The following CFAP46 variants were observed in gnomAD, a reference collection of about 807,000 sequenced individuals.
CFAP46 encodes the protein cilia- and flagella-associated protein 46.
CFAP46 carries 245 observed loss-of-function variants against 325.7 expected under a neutral mutation model. The ratio of observed to expected loss-of-function variants is 0.75; its 90% CI spans 0.68 to 0.84. CFAP46 has a LOEUF of 0.84. Ranked by LOEUF, CFAP46 falls within the 40% of genes least tolerant of loss-of-function variation. CFAP46 has a pLI of 0.00. For synonymous variants in CFAP46, 1,523 were observed against 1,495.9 expected (o/e 1.02, Z -0.42); for missense variants, 3,346 against 3,543.0 (o/e 0.94, Z 1.41).
intron 24 of CFAP46, among the ~76,000 whole-genome samples, chr10:132,895,481 A>G (rs1849306170): frequency 6.6e-6 from 1 of 152,230 alleles, no homozygotes; most frequent in African/African-American, 2.4e-5. Flanking sequence ...GAACACGGTG[A>G]GAAGGCAGCC....
chr10:132,866,313 A>T, intron 34 of CFAP46, 142 bp from the exon 35 acceptor site: 1 of 915,258 alleles, frequency 1.1e-6, no homozygotes. Context: ...CCTAGGCACC[A>T]TGGGCGCCTC....
chr10:132,849,595 A>G (rs1848500286), intron 41 of CFAP46, among the ~76,000 whole-genome samples: 1 of 152,104 alleles, frequency 6.6e-6, no homozygotes, highest in Non-Finnish European at 1.5e-5. Flanking sequence ...GTCCTGAGGG[A>G]GCAGGTCACT....
intron 24 of CFAP46, 50 bp downstream of exon 24, chr10:132,898,909 C>G (rs1043861178): frequency 6.5e-7 from 1 of 1,544,482 alleles, no homozygotes; most frequent in African/African-American, 1.4e-5. Flanking sequence ...TCTGGAAGAC[C>G]CACTAGAGGC....
At chr10:132,824,467 G>A (rs1378584569) in intron 50 of CFAP46, among the ~76,000 whole-genome samples, 5 of 122,836 alleles carry the variant, frequency 4.1e-5, no homozygotes, top group South Asian at 3.3e-4. Context: ...GTGCTGATGT[G>A]TGCTGTGTGT....
chr10:132,851,248 C>A lies in CFAP46; in HGVS notation c.5632G>T (p.Val1878Leu). 2 of 1,614,072 alleles carry A rather than the reference C, an allele frequency of 1.2e-6. No homozygotes were observed. Among genetic ancestry groups the A allele is most frequent in the South Asian group, 2.2e-5 (2 of 91,088 alleles). The change falls in exon 40 of 58, where the codon GTG becomes TTG. Residue 1878 changes from valine (V) to leucine (L), a missense_variant. By Grantham distance (32) the Val-to-Leu change is conservative (BLOSUM62 1). Transcript: ENST00000368586. ...TGGAGCATGTCCAGAGCCATTTCCACGAGGCCGAGCTTGAGGCGCGCCAGC... is the reference window on the plus strand; with the variant it reads ...TGGAGCATGTCCAGAGCCATTTCCAAGAGGCCGAGCTTGAGGCGCGCCAGC... ...RKLARLKLGL[V>L]EMALDMLQFI... is the part of the protein sequence containing the mutation.
chr10:132,869,437 A>C lies in CFAP46; in HGVS notation c.4512-65T>G. The C allele has an allele frequency of 1.7e-6, 2 of 1,194,760 alleles. No homozygotes were observed. The highest frequency in any genetic ancestry group is 2.3e-6 in the Non-Finnish European group (2 of 879,330). The allele number at this position is 1,194,760 out of a possible 1,614,324, so 74.0% of individuals were successfully genotyped here. Reference sequence around the variant, plus strand: ...CGCAGAGGGAGCCAGAAACGAAGCTACTAGTGTGCTTCACAGAAAACGGTC... The same window carrying C: ...CGCAGAGGGAGCCAGAAACGAAGCTCCTAGTGTGCTTCACAGAAAACGGTC... On this transcript the variant is annotated intron_variant, in intron 32 of 57. Transcript: ENST00000368586. This position sits in a 1 kb window ranked among gnomAD's most constrained non-coding sequence, Gnocchi z 6.2.
Position 132,822,277 on chromosome 10 carries a change from TGA to T in CFAP46, c.7118-7365_7118-7364del, listed in dbSNP as rs1347177985. ...TGATGTGTGCTGTGTGTGTGCTGTG[TGA>T]GTGCTGGTGTGCTGATGTGTGCACT... On this transcript the variant is annotated intron_variant, in intron 50 of 57. Transcript: ENST00000368586. Among the ~76,000 whole-genome samples the T allele has an allele frequency of 5.8e-3, 462 of 79,208 alleles. 12 individuals carry two copies. The highest frequency in any genetic ancestry group is 0.01 in the Admixed American group (55 of 5,354). 52.0% of individuals were successfully genotyped at this position (79,208 alleles called of 152,430 possible).
At chr10:132,872,413 C>G (rs986589985) in intron 32 of CFAP46, 3 of 422,440 alleles carry the variant, frequency 7.1e-6, no homozygotes, top group African/African-American at 4.1e-5. Flanking sequence ...GTCACCATAC[C>G]TGGCTAATAT....
chr10:132,901,495 G>A (rs1392432879), intron 22 of CFAP46, among the ~76,000 whole-genome samples: 2 of 152,088 alleles, frequency 1.3e-5, no homozygotes, highest in South Asian at 2.1e-4. Context: ...CACCAACCAC[G>A]GCTCTACCTC....
intron 50 of CFAP46, among the ~76,000 whole-genome samples, chr10:132,819,746 T>C (rs967430805): frequency 2.0e-5 from 3 of 152,230 alleles, no homozygotes; most frequent in Non-Finnish European, 2.9e-5. Flanking sequence ...CAACTCAAAA[T>C]GGATTACAGG....
At chr10:132,859,660 C>T (rs553604964) in intron 37 of CFAP46, among the ~76,000 whole-genome samples, 30 of 152,314 alleles carry the variant, frequency 2.0e-4, no homozygotes, top group Non-Finnish European at 3.5e-4. Flanking sequence ...ATGAGGCCGC[C>T]GCCCCGGAGC....
In CFAP46 at chr10:132,898,999, C is replaced by T. The variant is rs907855552; in HGVS notation, c.3179G>A (p.Arg1060Lys). 5 of 1,550,596 alleles carry T rather than the reference C, an allele frequency of 3.2e-6. No individual in the cohort carries two copies. Among genetic ancestry groups the T allele is most frequent in the Non-Finnish European group, 4.4e-6 (5 of 1,146,994 alleles). The change falls in exon 24 of 58, where the codon AGG (arginine) becomes AAG (lysine). Residue 1060 changes from arginine (R) to lysine (K), a missense_variant. Coordinates refer to ENST00000368586, the MANE Select transcript of CFAP46 (RefSeq NM_001200049.3). ...TGTCTTGTTGATGATGCCGATGAGC[C>T]TCTTCAGGGCACCCTTGGCCTTCTT... ...YRKKAKGALK[R>K]LIGIINKTEA...
chr10:132,834,976 C>A (rs117421225), intron 47 of CFAP46, among the ~76,000 whole-genome samples: 4,699 of 152,366 alleles, frequency 0.031, 106 homozygotes, highest in Non-Finnish European at 0.048. Context: ...CCAGCCCCCA[C>A]CCATCTCCTC....
At chr10:132,814,658 G>A (rs1467705739) in intron 52 of CFAP46, 28 bp downstream of exon 52, 2 of 1,583,450 alleles carry the variant, frequency 1.3e-6, no homozygotes, top group Non-Finnish European at 1.7e-6. Context: ...CGGGGTCTGG[G>A]GCCCCCCCGG....
chr10:132,899,033 C>A lies in CFAP46; in HGVS notation c.3145G>T (p.Val1049Phe). The change falls in exon 24 of 58, where the codon GTC (valine) becomes TTC (phenylalanine). Residue 1049 changes from valine (V) to phenylalanine (F), a missense_variant. Val to Phe is a conservative substitution (Grantham distance 50). Transcript: ENST00000368586. ...GCACCCTTGGCCTTCTTCCTGTAGA[C>A]GGCTGAGGACAGCAGTGGGAGCCAG... The part of the protein sequence containing the change: ...NAWLPLLSSA[V>F]YRKKAKGALK... 2 of 1,550,626 alleles carry A rather than the reference C, an allele frequency of 1.3e-6. No individual in the cohort carries two copies. Among genetic ancestry groups the A allele is most frequent in the Non-Finnish European group, 1.7e-6 (2 of 1,147,006 alleles).
rs1849224693 is a variant in CFAP46, at chr10:132,889,460, G to A, written c.3304+2873C>T. Among the ~76,000 whole-genome samples the A allele has an allele frequency of 6.6e-6, 1 of 152,194 alleles. No homozygotes were observed. The highest frequency in any genetic ancestry group is 2.4e-5 in the African/African-American group (1 of 41,444). On this transcript the variant is annotated intron_variant, in intron 25 of 57. Coordinates refer to ENST00000368586, the MANE Select transcript of CFAP46 (RefSeq NM_001200049.3). This position sits in a 1 kb window ranked among gnomAD's most constrained non-coding sequence, Gnocchi z 6.0. Reference sequence around the variant, plus strand: ...CCTCACCCAGGCACTGGCCAGAGAAGCGGGTCTGCGTCTGAAACTTGGGAA... The same window carrying A: ...CCTCACCCAGGCACTGGCCAGAGAAACGGGTCTGCGTCTGAAACTTGGGAA...
In CFAP46 at chr10:132,832,395, C is replaced by T. The variant is rs530737883; in HGVS notation, c.7117+963G>A. 2.1e-3 allele frequency among the ~76,000 whole-genome samples: 290 copies of T among 140,900 alleles called. 13 individuals are homozygous for T. The highest frequency in any genetic ancestry group is 2.0e-3 in the Non-Finnish European group (126 of 64,268). The allele number at this position is 140,900 out of a possible 152,430, so 92.4% of individuals were successfully genotyped here. A position where few individuals can be genotyped will look rare whatever the true frequency, so the allele number is the denominator to read the frequency against. On this transcript the variant is annotated intron_variant, in intron 50 of 57. Coordinates refer to ENST00000368586, the MANE Select transcript of CFAP46 (RefSeq NM_001200049.3). The surrounding 1 kb of genome is among the most constrained non-coding windows in gnomAD (Gnocchi z 4.1). The stretch of plus-strand genomic sequence containing the variant: ...GACCCCTGGGCTCTTCCTGCCCCCC[C>T]CCCCCAATGCTGTGGCCTGGAAATT...
Position 132,933,321 on chromosome 10 carries a change from G to A in CFAP46, c.866+1431C>T, listed in dbSNP as rs150262387. Among the ~76,000 whole-genome samples the A allele has an allele frequency of 2.0e-5, 3 of 152,326 alleles. No individual in the cohort carries two copies. In the South Asian group the frequency reaches 6.2e-4, roughly 32 times the overall value. ...AGCGCACAGGCCTGCTGGGCAGGTCGGGAAGAGAGAATCCGTAAAAGTGCC... is the reference window on the plus strand; with the variant it reads ...AGCGCACAGGCCTGCTGGGCAGGTCAGGAAGAGAGAATCCGTAAAAGTGCC... On this transcript the variant is annotated intron_variant, in intron 8 of 57. Transcript: ENST00000368586.
In CFAP46 at chr10:132,847,009, C is replaced by T; in HGVS notation, c.6190G>A (p.Ala2064Thr). Residue 2064 changes from alanine (A) to threonine (T), a missense_variant, in exon 43 of 58, where the codon GCC (alanine) becomes ACC (threonine). Coordinates refer to ENST00000368586, the MANE Select transcript of CFAP46 (RefSeq NM_001200049.3). The surrounding 1 kb of genome is among the most constrained non-coding windows in gnomAD (Gnocchi z 5.2). ...LGSGLLDVAAAASLEMVECVG... is the reference protein window; with the variant it reads ...LGSGLLDVAATASLEMVECVG... ...CACTCCACCATCTCCAGGCTGGCGG[C>T]TGCTGCGACATCCAGGAGGCCACTG... 1 of 1,610,426 alleles carries T rather than the reference C, an allele frequency of 6.2e-7. No homozygotes were observed. Among genetic ancestry groups the T allele is most frequent in the African/African-American group, 1.3e-5 (1 of 75,012 alleles).
Sources: gnomAD v4.1 joint callset for allele counts (sites outside exome capture counted in the v4.1 genomes callset) on GRCh38, gnomAD v4.1.1 for gene constraint, Gnocchi (gnomAD v3.1) non-coding constraint, MANE v1.5 for transcripts, NCBI Gene and HGNC (gene_info 2026-07-23, HGNC 2026-07-21) for gene names.